Variants in EDN3 observed in about 807,000 individuals in gnomAD.
EDN3 encodes endothelin 3.
EDN3 carries 9 observed loss-of-function variants against 21.4 expected under a neutral mutation model. The observed-to-expected ratio is 0.42, with a 90% CI of 0.25 to 0.73. EDN3 has a LOEUF of 0.73. Among genes scored for constraint, EDN3 ranks in the 30% least tolerant of loss-of-function variants. The pLI, the probability that EDN3 is intolerant of heterozygous loss-of-function variation, is 0.26. For missense variants in EDN3, 327 were observed against 309.4 expected (o/e 1.06, Z -0.43); for synonymous variants, 133 against 126.2 (o/e 1.05, Z -0.36).
chr20:59,312,605 G>A (rs995930658), intron 2 of EDN3, among the ~76,000 whole-genome samples: 4 of 152,192 alleles, frequency 2.6e-5, no homozygotes, highest in African/African-American at 7.2e-5. Flanking sequence ...ATGGAAGAGT[G>A]TAAACAGTTT....
At chr20:59,314,544 G>A (rs1015517457) in intron 2 of EDN3, among the ~76,000 whole-genome samples, 1 of 152,090 alleles carries the variant, frequency 6.6e-6, no homozygotes. Context: ...GAGGGGCGGG[G>A]CTGCTTGGCA....
At position 59,305,360 on chromosome 20, in the gene EDN3, C is replaced by T. The variant is rs1293705232; in HGVS notation, c.365+3638C>T. ...GGGGACAGGTGGTGAACAAGGGGTC[C>T]GTGTGCTGATGTCCTTGTACACTGC... is the stretch of plus-strand genomic sequence containing the variant. On this transcript the variant is annotated intron_variant, in intron 2 of 4. Transcript: ENST00000337938. This position sits in a 1 kb window ranked among gnomAD's most constrained non-coding sequence, Gnocchi z 4.2. Among the ~76,000 whole-genome samples the T allele has an allele frequency of 1.3e-5, 2 of 152,158 alleles. No individual in the cohort carries two copies. Among genetic ancestry groups the T allele is most frequent in the African/African-American group, 2.4e-5 (1 of 41,446 alleles).
chr20:59,305,978 A>G lies in EDN3; in HGVS notation c.365+4256A>G, dbSNP rs1038714359. On this transcript the variant is annotated intron_variant, in intron 2 of 4. Transcript: ENST00000337938. This position sits in a 1 kb window ranked among gnomAD's most constrained non-coding sequence, Gnocchi z 4.2. Reference sequence around the variant, plus strand: ...ACCCATAACGGGGATGTCAGCTCGAACCACATTTCATGGCGGACCAGCCCC... The same window carrying G: ...ACCCATAACGGGGATGTCAGCTCGAGCCACATTTCATGGCGGACCAGCCCC... Among the ~76,000 whole-genome samples, 3 of 152,182 alleles carry G rather than the reference A, an allele frequency of 2.0e-5. No individual in the cohort carries two copies. Among genetic ancestry groups the G allele is most frequent in the Non-Finnish European group, 4.4e-5 (3 of 68,030 alleles).
intron 2 of EDN3, among the ~76,000 whole-genome samples, chr20:59,315,144 T>C (rs2284804): frequency 0.039 from 5,890 of 152,224 alleles, 186 homozygotes; most frequent in East Asian, 0.085. Context: ...CTTGGGAGAG[T>C]TGATGAGTGG....
intron 2 of EDN3, among the ~76,000 whole-genome samples, chr20:59,306,816 G>A (rs772689641): frequency 4.6e-5 from 7 of 152,124 alleles, no homozygotes; most frequent in Non-Finnish European, 1.0e-4. Flanking sequence ...TGAGGAGCCA[G>A]CTGAGCACCA....
intron 2 of EDN3, among the ~76,000 whole-genome samples, chr20:59,312,860 G>A (rs935256022): frequency 2.6e-5 from 4 of 152,194 alleles, no homozygotes; most frequent in African/African-American, 9.7e-5. Context: ...GGGCCAGAAG[G>A]AAGGTGCCCA....
In EDN3 at chr20:59,322,515, T is replaced by C. The variant is rs574409434; in HGVS notation, c.588+98T>C. The stretch of plus-strand genomic sequence containing the variant: ...GAGGGTGTTTTGAGGGGATGGCATC[T>C]GGTCTGGTCCAGTGGGAACCCCAGA... On this transcript the variant is annotated intron_variant, in intron 4 of 4. Transcript: ENST00000337938. The surrounding 1 kb of genome is among the most constrained non-coding windows in gnomAD (Gnocchi z 4.1). The C allele has an allele frequency of 4.9e-4, 736 of 1,514,160 alleles. No individual in the cohort carries two copies. The highest frequency in any genetic ancestry group is 2.2e-3 in the Middle Eastern group (12 of 5,516). The allele number at this position is 1,514,160 out of a possible 1,614,324, so 93.8% of individuals were successfully genotyped here. A position where few individuals can be genotyped will look rare whatever the true frequency, so the allele number is the denominator to read the frequency against.
At chr20:59,323,860 T>C in intron 4 of EDN3, 2 of 485,494 alleles carry the variant, frequency 4.1e-6, no homozygotes. Flanking sequence ...GTTCAAAAGA[T>C]GCAATTGGTG....
chr20:59,301,560 C>T lies in EDN3; in HGVS notation c.203C>T (p.Pro68Leu), dbSNP rs750818786. The T allele has an allele frequency of 1.9e-6, 3 of 1,613,210 alleles. No homozygotes were observed. Among genetic ancestry groups the T allele is most frequent in the African/African-American group, 2.7e-5 (2 of 74,682 alleles). ...GGCCCTGGCGAGGGGACTGTGGCCCCGACAGCACTGCAGGGTCCAAGCCCT... is the reference window on the plus strand; with the variant it reads ...GGCCCTGGCGAGGGGACTGTGGCCCTGACAGCACTGCAGGGTCCAAGCCCT... ...VAGPGEGTVA[P>L]TALQGPSPGS... The change falls in exon 2 of 5, where the codon CCG (proline) becomes CTG (leucine). Residue 68 changes from proline (P) to leucine (L), a missense_variant. By Grantham distance (98) the Pro-to-Leu change is moderately conservative. Transcript: ENST00000337938.
intron 2 of EDN3, among the ~76,000 whole-genome samples, chr20:59,302,893 T>C (rs1010058381): frequency 6.6e-6 from 1 of 152,010 alleles, no homozygotes; most frequent in African/African-American, 2.4e-5. Flanking sequence ...CTTACCTACC[T>C]TGTGTCATCG....
At chr20:59,308,982 A>G (rs1200563872) in intron 2 of EDN3, among the ~76,000 whole-genome samples, 1 of 152,162 alleles carries the variant, frequency 6.6e-6, no homozygotes, top group East Asian at 1.9e-4. Flanking sequence ...CTCTGGGAAA[A>G]GGTGTGCCTG....
At chr20:59,318,015 C>T (rs999243255) in intron 2 of EDN3, among the ~76,000 whole-genome samples, 2 of 152,194 alleles carry the variant, frequency 1.3e-5, no homozygotes, top group Non-Finnish European at 2.9e-5. Context: ...TGCCTCCCAC[C>T]CCACTGTAAG....
intron 2 of EDN3, among the ~76,000 whole-genome samples, chr20:59,318,051 C>A (rs766104030): frequency 1.3e-5 from 2 of 152,202 alleles, no homozygotes; most frequent in Non-Finnish European, 2.9e-5. Flanking sequence ...GCCATATGCT[C>A]CCTCTTCAAG....
chr20:59,300,766 A>T lies in EDN3; in HGVS notation c.-47A>T. The stretch of plus-strand genomic sequence containing the variant: ...GGCCCCAGTGCCCTTTCGCGGCCAC[A>T]AGCGGCCGTCCTCCTGGTCCGGTGC... On this transcript the variant is annotated 5_prime_UTR_variant, in exon 1 of 5. It introduces an in-frame stop codon into an upstream open reading frame of the 5' UTR. Transcript: ENST00000337938. The T allele has an allele frequency of 6.3e-7, 1 of 1,590,088 alleles. No individual in the cohort carries two copies. The highest frequency in any genetic ancestry group is 8.5e-7 in the Non-Finnish European group (1 of 1,169,660).
At chr20:59,323,274 C>T (rs548931508) in intron 4 of EDN3, among the ~76,000 whole-genome samples, 90 of 152,284 alleles carry the variant, frequency 5.9e-4, no homozygotes, top group Non-Finnish European at 1.1e-3. Context: ...CCCGGGAGAG[C>T]ATGAGTCAGA....
Position 59,322,527 on chromosome 20 carries a change from G to C in EDN3, c.588+110G>C, listed in dbSNP as rs1315605166. On this transcript the variant is annotated intron_variant, in intron 4 of 4. Coordinates refer to ENST00000337938, the MANE Select transcript of EDN3 (RefSeq NM_207034.3). The surrounding 1 kb of genome is among the most constrained non-coding windows in gnomAD (Gnocchi z 4.1). ...AGGGGATGGCATCTGGTCTGGTCCA[G>C]TGGGAACCCCAGATCTCATGGGATG... is the stretch of plus-strand genomic sequence containing the variant. The C allele has an allele frequency of 1.7e-5, 25 of 1,436,502 alleles. No individual in the cohort carries two copies. Among genetic ancestry groups the C allele is most frequent in the Non-Finnish European group, 2.3e-5 (24 of 1,026,462 alleles). The allele number at this position is 1,436,502 out of a possible 1,614,324, so 89.0% of individuals were successfully genotyped here.
intron 2 of EDN3, among the ~76,000 whole-genome samples, chr20:59,320,114 C>T (rs1023073307): frequency 2.6e-5 from 4 of 152,224 alleles, no homozygotes; most frequent in Non-Finnish European, 5.9e-5. Context: ...CTCCTGCCAA[C>T]GCCAACCATA....
intron 2 of EDN3, among the ~76,000 whole-genome samples, chr20:59,307,105 A>G (rs923612380): frequency 3.9e-5 from 6 of 152,202 alleles, no homozygotes; most frequent in Non-Finnish European, 5.9e-5. Context: ...AGATCACGCC[A>G]CTGCACTCCA....
rs575847675 is a variant in EDN3 at position 59,308,796 on chromosome 20, C to T, written c.365+7074C>T. On this transcript the variant is annotated intron_variant, in intron 2 of 4. Transcript: ENST00000337938. Reference sequence around the variant, plus strand: ...ACCAGTCCTCCTGCCATATCCAATCCTGTGATTGGAGGATGCTGGCTGGTG... The same window carrying T: ...ACCAGTCCTCCTGCCATATCCAATCTTGTGATTGGAGGATGCTGGCTGGTG... Among the ~76,000 whole-genome samples the T allele has an allele frequency of 3.9e-5, 6 of 152,308 alleles. No individual in the cohort carries two copies. In the South Asian group the frequency reaches 1.2e-3, roughly 32 times the overall value.
Sources: gnomAD v4.1 joint callset for allele counts (sites outside exome capture counted in the v4.1 genomes callset) on GRCh38, gnomAD v4.1.1 for gene constraint, Gnocchi (gnomAD v3.1) non-coding constraint, MANE v1.5 for transcripts, NCBI Gene and HGNC (gene_info 2026-07-23, HGNC 2026-07-21) for gene names.